The following CTNNA3 variants were observed in gnomAD, a reference collection of about 807,000 sequenced individuals.
The protein encoded by CTNNA3 is catenin alpha-3.
A neutral mutation model predicts 95.7 loss-of-function variants in CTNNA3; 76 were observed. The ratio of observed to expected loss-of-function variants is 0.79; its 90% CI spans 0.66 to 0.96. The LOEUF (loss-of-function observed/expected upper bound fraction) is 0.96, where lower values mean the gene tolerates loss of function less well. Ranked by LOEUF, CTNNA3 falls within the 40% of genes least tolerant of loss-of-function variation. The pLI is 0.00. For synonymous variants in CTNNA3, 431 were observed against 374.4 expected, an observed-to-expected ratio of 1.15 and a Z score of -1.74; for missense variants, 1,191 against 1,089.8, an observed-to-expected ratio of 1.09 and a Z score of -1.31.
chr10:66,852,587 G>A (rs928229753), intron 7 of CTNNA3, among the ~76,000 whole-genome samples: 5 of 152,080 alleles, frequency 3.3e-5, no homozygotes, highest in African/African-American at 1.2e-4. Context: ...CCTTTGCAGT[G>A]ACATAATATA....
Position 67,333,106 on chromosome 10 carries a change from C to T in CTNNA3, c.580-113236G>A, listed in dbSNP as rs574436919. 4.6e-5 allele frequency among the ~76,000 whole-genome samples: 7 copies of T among 152,320 alleles called. No individual in the cohort carries two copies. In the East Asian group the frequency reaches 1.2e-3, roughly 25 times the overall value. On this transcript the variant is annotated intron_variant, in intron 5 of 17. Transcript: ENST00000433211. ...GCAATGAAAAGTGTAAGCATGACTA[C>T]TTTCAAATGCAGATTCCTAGCATGT...
chr10:67,041,904 T>A (rs1285635966), intron 7 of CTNNA3, among the ~76,000 whole-genome samples: 1 of 152,142 alleles, frequency 6.6e-6, no homozygotes, highest in Non-Finnish European at 1.5e-5. Context: ...TGGGATCACA[T>A]TCATAAAAGC....
Position 66,646,418 on chromosome 10 carries a change from T to C in CTNNA3, c.1282-24634A>G, listed in dbSNP as rs574447011. 7.9e-5 allele frequency among the ~76,000 whole-genome samples: 12 copies of C among 152,148 alleles called. No individual in the cohort carries two copies. In the South Asian group the frequency reaches 2.3e-3, roughly 29 times the overall value. ...CAAAACAATAACTCAGTCACAGCAA[T>C]AGAAGTGTCAATTTTATTATAATAG... On this transcript the variant is annotated intron_variant, in intron 9 of 17. Coordinates refer to ENST00000433211, the MANE Select transcript of CTNNA3 (RefSeq NM_013266.4).
At chr10:66,762,170 T>C (rs1839625402) in intron 9 of CTNNA3, among the ~76,000 whole-genome samples, 1 of 152,138 alleles carries the variant, frequency 6.6e-6, no homozygotes, top group African/African-American at 2.4e-5. Context: ...TCAATAGATT[T>C]TATTGGCAGA....
intron 8 of CTNNA3, among the ~76,000 whole-genome samples, chr10:66,771,222 T>C (rs942147555): frequency 2.6e-5 from 4 of 152,190 alleles, no homozygotes; most frequent in Admixed American, 2.6e-4. Context: ...TTGATATTTA[T>C]GAAATAAAAG....
chr10:66,001,650 T>C (rs1047937809), intron 15 of CTNNA3, among the ~76,000 whole-genome samples: 2 of 152,188 alleles, frequency 1.3e-5, no homozygotes, highest in African/African-American at 4.8e-5. Context: ...ATTTGACACA[T>C]AGCAGATGTT....
chr10:66,431,917 C>A (rs1159348090), intron 11 of CTNNA3, among the ~76,000 whole-genome samples: 1 of 151,904 alleles, frequency 6.6e-6, no homozygotes, highest in African/African-American at 2.4e-5. Context: ...TATATAAAAT[C>A]ATTGTATTAA....
intron 7 of CTNNA3, among the ~76,000 whole-genome samples, chr10:66,912,631 T>C (rs1411863438): frequency 1.3e-5 from 2 of 152,086 alleles, no homozygotes; most frequent in Non-Finnish European, 2.9e-5. Flanking sequence ...CCAAATACAT[T>C]CCCTCAATAT....
chr10:66,013,252 A>G (rs1203093073), intron 15 of CTNNA3, among the ~76,000 whole-genome samples: 1 of 152,160 alleles, frequency 6.6e-6, no homozygotes, highest in Non-Finnish European at 1.5e-5. Flanking sequence ...ATGAAATACA[A>G]TCCTAAAGGA....
intron 5 of CTNNA3, among the ~76,000 whole-genome samples, chr10:67,295,528 A>G (rs1010954043): frequency 3.9e-4 from 60 of 152,212 alleles, no homozygotes; most frequent in African/African-American, 1.3e-3. Flanking sequence ...GAGTTTTTCA[A>G]GGATAATAGC....
At chr10:66,139,279 G>T (rs1462748088) in intron 13 of CTNNA3, among the ~76,000 whole-genome samples, 1 of 152,064 alleles carries the variant, frequency 6.6e-6, no homozygotes, top group Admixed American at 6.6e-5. Context: ...CACACAATAT[G>T]TTCTTCCCAC....
chr10:67,329,329 C>T (rs1244377120), intron 5 of CTNNA3, among the ~76,000 whole-genome samples: 4 of 152,186 alleles, frequency 2.6e-5, no homozygotes, highest in Non-Finnish European at 4.4e-5. Flanking sequence ...TGAGATGATG[C>T]CACTGCACTT....
intron 11 of CTNNA3, among the ~76,000 whole-genome samples, chr10:66,502,770 T>C (rs970467253): frequency 6.6e-6 from 1 of 152,154 alleles, no homozygotes; most frequent in African/African-American, 2.4e-5. Flanking sequence ...GTTTTCCTTA[T>C]GAATATGTGC....
chr10:66,002,698 A>G (rs1475459236), intron 15 of CTNNA3, among the ~76,000 whole-genome samples: 1 of 152,172 alleles, frequency 6.6e-6, no homozygotes, highest in Non-Finnish European at 1.5e-5. Flanking sequence ...TGCACAAGTC[A>G]TTGCATCCAG....
At chr10:67,235,193 C>A (rs1865396237) in intron 5 of CTNNA3, among the ~76,000 whole-genome samples, 1 of 152,036 alleles carries the variant, frequency 6.6e-6, no homozygotes, top group Admixed American at 6.5e-5. Flanking sequence ...CAAAAAAGAG[C>A]CCGCATCGCC....
At chr10:66,726,655 A>G (rs780414596) in intron 9 of CTNNA3, among the ~76,000 whole-genome samples, 12 of 152,232 alleles carry the variant, frequency 7.9e-5, no homozygotes, top group Non-Finnish European at 1.5e-4. Context: ...GAGGGAGCAT[A>G]TGGAATACAT....
chr10:67,204,365 G>T (rs1049041541), intron 6 of CTNNA3, among the ~76,000 whole-genome samples: 3 of 147,012 alleles, frequency 2.0e-5, no homozygotes, highest in African/African-American at 8.0e-5. Context: ...GAAAGTGTAT[G>T]GCACCTCCCC....
intron 9 of CTNNA3, among the ~76,000 whole-genome samples, chr10:66,637,478 A>G (rs573283568): frequency 2.0e-5 from 3 of 152,352 alleles, no homozygotes; most frequent in African/African-American, 7.2e-5. Context: ...ATTTGCCATC[A>G]ACTAGTCCAG....
In CTNNA3 at chr10:66,182,962, G is replaced by A. The variant is rs142051941; in HGVS notation, c.1885-79713C>T. 5.3e-5 allele frequency among the ~76,000 whole-genome samples: 8 copies of A among 152,234 alleles called. No homozygotes were observed. The East Asian group carries it at 1.4e-3, about 26-fold the overall frequency. ...ACTGTGATGAAATGGACTCTCACTC[G>A]GGAGTCTGGCTCCAGAGGCCTCACC... On this transcript the variant is annotated intron_variant, in intron 13 of 17. Transcript: ENST00000433211.
Sources: allele counts gnomAD v4.1 joint callset (sites outside exome capture counted in the v4.1 genomes callset), GRCh38; gene constraint gnomAD v4.1.1; transcripts MANE v1.5; gene names NCBI Gene and HGNC (gene_info 2026-07-23, HGNC 2026-07-21).